The following ZC3H8 variants were observed in gnomAD, a reference collection of about 807,000 sequenced individuals.
ZC3H8 encodes the protein zinc finger CCCH domain-containing protein 8.
Under a neutral mutation model 42.5 loss-of-function variants are expected in ZC3H8, and 27 were observed. The ratio of observed to expected loss-of-function variants is 0.64; its 90% CI spans 0.47 to 0.88. The LOEUF is 0.88. Ranked by LOEUF, ZC3H8 falls within the 40% of genes least tolerant of loss-of-function variation. ZC3H8 has a pLI of 0.00. For missense variants in ZC3H8, 277 were observed against 336.1 expected (o/e 0.82, Z 1.37); for synonymous variants, 101 against 110.1 (o/e 0.92, Z 0.52).
In ZC3H8 at chr2:112,254,816, C is replaced by T. The variant is rs1368696617; in HGVS notation, c.74+92G>A. The stretch of plus-strand genomic sequence containing the variant: ...ACGGGCCCTCGCGACGCGGCCCGGA[C>T]GTGGCCCCGGACTGCCTCCAATCCA... On this transcript the variant is annotated intron_variant, in intron 1 of 8. Transcript: ENST00000409573. The T allele has an allele frequency of 2.4e-5, 34 of 1,438,022 alleles. No homozygotes were observed. The Admixed American group carries it at 7.7e-4, about 32-fold the overall frequency. The allele number at this position is 1,438,022 out of a possible 1,614,324, so 89.1% of individuals were successfully genotyped here.
chr2:112,227,336 C>T (rs1384449646), intron 8 of ZC3H8, among the ~76,000 whole-genome samples: 1 of 152,150 alleles, frequency 6.6e-6, no homozygotes, highest in Non-Finnish European at 1.5e-5. Context: ...ACCAGCCTGG[C>T]CAACATGGTG....
intron 8 of ZC3H8, among the ~76,000 whole-genome samples, chr2:112,229,019 A>G (rs115848545): frequency 4.0e-3 from 613 of 152,350 alleles, no homozygotes; most frequent in Non-Finnish European, 6.5e-3. Context: ...CCTACTGGAA[A>G]AGCTATAATC....
At chr2:112,224,099 T>C (rs1684710573) in intron 8 of ZC3H8, among the ~76,000 whole-genome samples, 1 of 152,112 alleles carries the variant, frequency 6.6e-6, no homozygotes, top group Admixed American at 6.5e-5. Flanking sequence ...AGATAGATAA[T>C]GCCACTGCAC....
chr2:112,250,201 A>C lies in ZC3H8; in HGVS notation c.146T>G (p.Ile49Ser). 1 of 1,565,232 alleles carries C rather than the reference A, an allele frequency of 6.4e-7. No individual in the cohort carries two copies. The highest frequency in any genetic ancestry group is 1.2e-5 in the South Asian group (1 of 84,492). ...TCAACTTAATCTTACTTTTTTGGGA[A>C]TTTGCTCGCACTCCAGTTTAATTTT... ...EEKIKLECEQ[I>S]PKKFRHSAIS... The change falls in exon 2 of 9, where the codon ATT (isoleucine) becomes AGT (serine). Residue 49 changes from isoleucine to serine, a missense_variant. Physicochemically the swap from Ile to Ser is moderately radical, Grantham distance 142. Coordinates refer to ENST00000409573, the MANE Select transcript of ZC3H8 (RefSeq NM_032494.3).
intron 2 of ZC3H8, among the ~76,000 whole-genome samples, chr2:112,241,210 T>C (rs1303838249): frequency 1.3e-5 from 2 of 152,060 alleles, no homozygotes; most frequent in Non-Finnish European, 2.9e-5. Context: ...CTCTGCCCTC[T>C]CCCTCTCCAG....
At chr2:112,244,052 A>G (rs1010040010) in intron 2 of ZC3H8, among the ~76,000 whole-genome samples, 4 of 138,004 alleles carry the variant, frequency 2.9e-5, no homozygotes, top group African/African-American at 1.1e-4. Flanking sequence ...TATGTCTCAT[A>G]TAAAAGGATA....
chr2:112,228,193 G>A (rs1337676709), intron 8 of ZC3H8, among the ~76,000 whole-genome samples: 2 of 152,088 alleles, frequency 1.3e-5, no homozygotes, highest in Non-Finnish European at 2.9e-5. Context: ...AGGGGGAAGG[G>A]GCAGTCTTTT....
At chr2:112,239,460 C>T (rs1685488196) in intron 2 of ZC3H8, among the ~76,000 whole-genome samples, 1 of 152,000 alleles carries the variant, frequency 6.6e-6, no homozygotes, top group Non-Finnish European at 1.5e-5. Flanking sequence ...ACTTTGGGGC[C>T]TGGTCTCTTA....
In ZC3H8 at chr2:112,234,111, T is replaced by G. The variant is rs1685214146; in HGVS notation, c.621+9A>C. 1 of 1,493,746 alleles carries G rather than the reference T, an allele frequency of 6.7e-7. No homozygotes were observed. The highest frequency in any genetic ancestry group is 9.1e-7 in the Non-Finnish European group (1 of 1,101,354). The allele number at this position is 1,493,746 out of a possible 1,614,324, so 92.5% of individuals were successfully genotyped here. On this transcript the variant is annotated intron_variant, in intron 5 of 8. Transcript: ENST00000409573. ...ATTTTAGTAGATTTTTGCTTACACA[T>G]TTTTATACCTTAATACATTTCCTTT...
intron 2 of ZC3H8, among the ~76,000 whole-genome samples, chr2:112,243,646 ATCAG>A (rs1218083367): frequency 6.6e-6 from 1 of 152,212 alleles, no homozygotes; most frequent in Non-Finnish European, 1.5e-5. Flanking sequence ...ACTGAAGTCT[ATCAG>A]TCAAAGGCTG....
Position 112,215,920 on chromosome 2 carries a change from G to A in ZC3H8, c.*564C>T, listed in dbSNP as rs1463578797. On this transcript the variant is annotated 3_prime_UTR_variant, in exon 9 of 9. Coordinates refer to ENST00000409573, the MANE Select transcript of ZC3H8 (RefSeq NM_032494.3). ...CTTTATTTATAATAGTAAGAAACTG[G>A]AAACAAATGTCTAACAATAGGAAAC... 1 of 152,098 alleles carries A rather than the reference G, an allele frequency of 6.6e-6. No individual in the cohort carries two copies. The highest frequency in any genetic ancestry group is 1.5e-5 in the Non-Finnish European group (1 of 68,012). The allele number at this position is 152,098 out of a possible 1,614,324, so 9.4% of individuals were successfully genotyped here. A position where few individuals can be genotyped will look rare whatever the true frequency, so the allele number is the denominator to read the frequency against.
chr2:112,250,108 T>C, intron 2 of ZC3H8, 83 bp downstream of exon 2: 1 of 1,029,434 alleles, frequency 9.7e-7, no homozygotes, highest in East Asian at 2.7e-5. Context: ...TTCCATCTGT[T>C]TTTTCTTTTT....
At position 112,255,034 on chromosome 2, in the gene ZC3H8, C is replaced by G. The variant is rs563919032; in HGVS notation, c.-53G>C. ...GCCGGGAAGCTACAGAGTAACAACC[C>G]GAGAGAGTGACAACCCGGACGCGAC... On this transcript the variant is annotated 5_prime_UTR_variant, in exon 1 of 9. Transcript: ENST00000409573. The G allele has an allele frequency of 1.3e-4, 206 of 1,542,902 alleles. No individual in the cohort carries two copies. The African/African-American group carries it at 2.6e-3, about 19-fold the overall frequency.
At position 112,231,987 on chromosome 2, in the gene ZC3H8, T is replaced by C. The variant is rs753452640; in HGVS notation, c.734-40A>G. 2.4e-5 allele frequency: 29 copies of C among 1,218,176 alleles called. No individual in the cohort carries two copies. The East Asian group carries it at 4.9e-4, about 20-fold the overall frequency. The allele number at this position is 1,218,176 out of a possible 1,614,324, so 75.5% of individuals were successfully genotyped here. A position where few individuals can be genotyped will look rare whatever the true frequency, so the allele number is the denominator to read the frequency against. ...AAGGAAGAGAACAATTTTAATCCAA[T>C]TGAAATAATGTTATTAACTTAATGA... is the stretch of plus-strand genomic sequence containing the variant. On this transcript the variant is annotated intron_variant, in intron 6 of 8. Transcript: ENST00000409573.
At chr2:112,236,482 C>T (rs1334878094) in intron 4 of ZC3H8, 80 bp downstream of exon 4, 15 of 1,553,282 alleles carry the variant, frequency 9.7e-6, no homozygotes, top group Admixed American at 4.1e-5. Flanking sequence ...TATCACATAG[C>T]ACTTCTTGTC....
chr2:112,231,806 AAAAAC>A (rs1186627767), intron 7 of ZC3H8, 27 bp downstream of exon 7: 3 of 1,406,726 alleles, frequency 2.1e-6, no homozygotes, highest in East Asian at 2.4e-5. Flanking sequence ...TTAAAAAAGA[AAAAAC>A]AAAAGATTAT....
At chr2:112,252,872 G>A (rs531872529) in intron 1 of ZC3H8, among the ~76,000 whole-genome samples, 6 of 152,276 alleles carry the variant, frequency 3.9e-5, no homozygotes, top group Admixed American at 1.3e-4. Context: ...AGCCGGGCGC[G>A]GTGGCTCACG....
At chr2:112,231,601 T>C (rs952679652) in intron 7 of ZC3H8, among the ~76,000 whole-genome samples, 1 of 152,200 alleles carries the variant, frequency 6.6e-6, no homozygotes, top group Non-Finnish European at 1.5e-5. Flanking sequence ...CTAATTATAC[T>C]GAAGATTTTA....
chr2:112,239,012 C>T (rs1330966719), intron 2 of ZC3H8, among the ~76,000 whole-genome samples: 1 of 152,230 alleles, frequency 6.6e-6, no homozygotes, highest in East Asian at 1.9e-4. Flanking sequence ...TACATCTAAG[C>T]TACCAAAGTC....
Sources: allele counts gnomAD v4.1 joint callset (sites outside exome capture counted in the v4.1 genomes callset), GRCh38; gene constraint gnomAD v4.1.1; transcripts MANE v1.5; gene names NCBI Gene and HGNC (gene_info 2026-07-23, HGNC 2026-07-21).